FAM178B: variants seen among roughly 807,000 people sequenced by gnomAD.
FAM178B encodes the protein protein FAM178B.
Under a neutral mutation model 91.7 loss-of-function variants are expected in FAM178B, and 82 were observed. The observed-to-expected ratio is 0.89, with a 90% CI of 0.75 to 1.07. The LOEUF is 1.07. Ranked by LOEUF, FAM178B falls within the 50% of genes least tolerant of loss-of-function variation. The pLI, the probability that FAM178B is intolerant of heterozygous loss-of-function variation, is 0.00. For missense variants in FAM178B, 769 were observed against 846.7 expected (o/e 0.91, Z 1.14); for synonymous variants, 368 against 359.4 (o/e 1.02, Z -0.27).
intron 9 of FAM178B, among the ~76,000 whole-genome samples, chr2:96,925,642 T>A (rs868578474): frequency 6.6e-6 from 1 of 152,146 alleles, no homozygotes; most frequent in Admixed American, 6.5e-5. Context: ...TGGACTCTTA[T>A]GAGCAAAGCA....
intron 13 of FAM178B, among the ~76,000 whole-genome samples, chr2:96,901,083 C>T (rs940863147): frequency 1.3e-5 from 2 of 152,190 alleles, no homozygotes; most frequent in Non-Finnish European, 2.9e-5. Context: ...CCTTCATCAC[C>T]CCGTGAAGTG....
chr2:96,977,309 C>T (rs1393070919), intron 1 of FAM178B, among the ~76,000 whole-genome samples: 2 of 143,452 alleles, frequency 1.4e-5, no homozygotes, highest in East Asian at 2.1e-4. Context: ...TGCTTGAACC[C>T]GGGAGGTGGA....
At chr2:96,885,268 G>T (rs1026430863) in intron 14 of FAM178B, among the ~76,000 whole-genome samples, 3 of 152,262 alleles carry the variant, frequency 2.0e-5, no homozygotes, top group African/African-American at 7.2e-5. Context: ...AGAGGTGGGT[G>T]TCTCTTTCCA....
At chr2:96,945,746 C>T (rs2081816839) in intron 8 of FAM178B, among the ~76,000 whole-genome samples, 1 of 152,224 alleles carries the variant, frequency 6.6e-6, no homozygotes, top group African/African-American at 2.4e-5. Flanking sequence ...CCTGAAATGG[C>T]AGTTGATCTT....
At chr2:96,877,459 A>G (rs1372736378) in intron 16 of FAM178B, among the ~76,000 whole-genome samples, 2 of 150,646 alleles carry the variant, frequency 1.3e-5, no homozygotes, top group Non-Finnish European at 2.9e-5. Context: ...CTGGCGTGCA[A>G]TGGCACGATC....
intron 12 of FAM178B, among the ~76,000 whole-genome samples, chr2:96,916,429 C>T (rs1350012887): frequency 6.6e-6 from 1 of 152,234 alleles, no homozygotes; most frequent in Non-Finnish European, 1.5e-5. Flanking sequence ...CTGGCTTCAT[C>T]TGACCTTCTG....
chr2:96,984,780 A>G (rs753672373), intron 1 of FAM178B, among the ~76,000 whole-genome samples: 2 of 152,300 alleles, frequency 1.3e-5, no homozygotes, highest in Middle Eastern at 3.4e-3. Flanking sequence ...CCTCCCTCAC[A>G]TGCCTTGAAA....
intron 5 of FAM178B, among the ~76,000 whole-genome samples, chr2:96,961,842 G>T (rs929570492): frequency 3.3e-5 from 5 of 152,180 alleles, no homozygotes; most frequent in Non-Finnish European, 7.3e-5. Flanking sequence ...GAATGAAATG[G>T]CACAACAAAT....
At chr2:96,896,114 T>C (rs61382911) in intron 13 of FAM178B, among the ~76,000 whole-genome samples, 35,000 of 152,132 alleles carry the variant, frequency 0.23, 5,383 homozygotes, top group South Asian at 0.65. Flanking sequence ...TGTGCAAGCA[T>C]AGGGTCAGGC....
chr2:96,908,005 G>A (rs72811653), intron 12 of FAM178B, among the ~76,000 whole-genome samples: 11,124 of 152,330 alleles, frequency 0.073, 459 homozygotes, highest in Middle Eastern at 0.13. Context: ...GCGTCCGCCT[G>A]GCTCGCACCC....
At chr2:96,886,567 A>G (rs777169231) in intron 14 of FAM178B, among the ~76,000 whole-genome samples, 8 of 152,142 alleles carry the variant, frequency 5.3e-5, no homozygotes, top group Non-Finnish European at 1.0e-4. Flanking sequence ...GTTTTTTGAC[A>G]CTGTTTAGCC....
chr2:96,876,313 G>C lies in FAM178B; in HGVS notation c.2008-5C>G, dbSNP rs372312893. 3.7e-6 allele frequency: 6 copies of C among 1,600,582 alleles called. No homozygotes were observed. Among genetic ancestry groups the C allele is most frequent in the Non-Finnish European group, 5.1e-6 (6 of 1,174,962 alleles). On this transcript the variant is annotated splice_region_variant and splice_polypyrimidine_tract_variant and intron_variant, in intron 16 of 16. Transcript: ENST00000490605. The stretch of plus-strand genomic sequence containing the variant: ...CCAGGGGCTGAAATACTGGGCCTGC[G>C]GCGAGGAGAAAAGCAGGCTGTGAGG...
In FAM178B at chr2:96,923,574, T is replaced by C. The variant is rs376812682; in HGVS notation, c.1203A>G (p.Pro401=). The C allele has an allele frequency of 6.4e-7, 1 of 1,551,438 alleles. No homozygotes were observed. The highest frequency in any genetic ancestry group is 1.4e-5 in the African/African-American group (1 of 73,056). Residue 401 remains proline (P), a synonymous_variant, in exon 10 of 17, where the codon CCA becomes CCG. Transcript: ENST00000490605. ...GPFWHGGRVL[P]GEAGLNENEE... ...CATTCTCATTCAGGCCAGCCTCGCC[T>C]GGAAGCACCCTGTGGTAAGACAACA...
intron 8 of FAM178B, among the ~76,000 whole-genome samples, chr2:96,945,347 G>A (rs1312029634): frequency 1.3e-5 from 2 of 148,748 alleles, no homozygotes; most frequent in African/African-American, 5.0e-5. Context: ...ACCCGTAATA[G>A]TCAATGCTCT....
intron 13 of FAM178B, among the ~76,000 whole-genome samples, chr2:96,897,270 C>T (rs2080842390): frequency 1.3e-5 from 2 of 152,060 alleles, no homozygotes; most frequent in Admixed American, 1.3e-4. Context: ...GAACCTAGCA[C>T]CGTGCCTGGC....
At chr2:96,878,134 A>T (rs1161834754) in intron 15 of FAM178B, 92 bp from the exon 16 acceptor site, 2 of 1,387,942 alleles carry the variant, frequency 1.4e-6, no homozygotes, top group Admixed American at 3.4e-5. Flanking sequence ...AGAGAAAGGA[A>T]GGGGCACATT....
intron 6 of FAM178B, among the ~76,000 whole-genome samples, chr2:96,952,846 T>C (rs4907207): frequency 2.6e-5 from 4 of 152,192 alleles, no homozygotes; most frequent in Non-Finnish European, 4.4e-5. Context: ...TTCTTTTTAA[T>C]GGCCCAAATG....
chr2:96,963,395 T>C (rs79556424), intron 5 of FAM178B, among the ~76,000 whole-genome samples: 6,444 of 152,318 alleles, frequency 0.042, 272 homozygotes, highest in African/African-American at 0.1. Flanking sequence ...GGAAGGCCTT[T>C]GGCCCTAAAC....
intron 10 of FAM178B, 52 bp downstream of exon 10, chr2:96,923,438 G>A: frequency 7.3e-7 from 1 of 1,375,244 alleles, no homozygotes; most frequent in South Asian, 1.2e-5. Flanking sequence ...TGCTGAATGG[G>A]TCTGAACTGT....
Sources: allele counts gnomAD v4.1 joint callset (sites outside exome capture counted in the v4.1 genomes callset), GRCh38; gene constraint gnomAD v4.1.1; transcripts MANE v1.5; gene names NCBI Gene and HGNC (gene_info 2026-07-23, HGNC 2026-07-21).